Variants in COL4A6 observed in about 807,000 individuals in gnomAD.
COL4A6 encodes collagen alpha-6(IV) chain.
In COL4A6, 59 loss-of-function variants were observed where a neutral mutation model predicts 126.7. The ratio of observed to expected loss-of-function variants is 0.47; its 90% CI spans 0.38 to 0.58. The LOEUF (loss-of-function observed/expected upper bound fraction) is 0.58, where lower values mean the gene tolerates loss of function less well. COL4A6 is among the 20% of genes least tolerant of loss of function. The pLI is 0.00. For missense variants in COL4A6, 1,285 were observed against 1,337.3 expected, an observed-to-expected ratio of 0.96 and a Z score of 0.61; for synonymous variants, 547 against 496.6, an observed-to-expected ratio of 1.10 and a Z score of -1.35.
intron 18 of COL4A6, among the ~76,000 whole-genome samples, chrX:108,192,263 T>A (rs1233654052): frequency 1.8e-5 from 2 of 111,940 alleles, no homozygotes; most frequent in Non-Finnish European, 3.8e-5. Flanking sequence ...ATACATTATT[T>A]AAGCCAAAAA....
chrX:108,386,064 G>A (rs2040683634), intron 2 of COL4A6, among the ~76,000 whole-genome samples: 2 of 111,496 alleles, frequency 1.8e-5, no homozygotes, highest in South Asian at 7.7e-4. Flanking sequence ...TTTTTTTATG[G>A]CTGCATAGTA....
intron 40 of COL4A6, 119 bp from the exon 41 acceptor site, chrX:108,163,157 G>A (rs1303243611): frequency 1.7e-6 from 1 of 591,815 alleles, no homozygotes; most frequent in Non-Finnish European, 2.6e-6. Flanking sequence ...TGTCCCCACA[G>A]GATACCCGGG....
At chrX:108,375,222 T>C (rs1413302450) in intron 2 of COL4A6, among the ~76,000 whole-genome samples, 1 of 111,718 alleles carries the variant, frequency 9.0e-6, no homozygotes. Context: ...ATCATTTTGA[T>C]GGTGCTTATC....
intron 2 of COL4A6, among the ~76,000 whole-genome samples, chrX:108,314,537 G>A (rs1371255305): frequency 8.9e-6 from 1 of 111,912 alleles, no homozygotes; most frequent in Non-Finnish European, 1.9e-5. Context: ...GCATAGCTGA[G>A]AGTCTTGTTT....
chrX:108,194,728 G>T, intron 15 of COL4A6, 141 bp from the exon 16 acceptor site: 1 of 592,884 alleles, frequency 1.7e-6, no homozygotes, highest in Non-Finnish European at 2.7e-6. Context: ...GACTCTGGAA[G>T]CTGTAAAATC....
At chrX:108,326,795 C>T (rs754918779) in intron 2 of COL4A6, among the ~76,000 whole-genome samples, 53 of 112,028 alleles carry the variant, frequency 4.7e-4, no homozygotes, top group African/African-American at 1.7e-3. Flanking sequence ...CAAAAATTAA[C>T]TCAAAATATA....
In COL4A6 at chrX:108,180,535, A is replaced by G; in HGVS notation, c.2111T>C (p.Val704Ala). The change falls in exon 25 of 45, where the codon GTT (valine) becomes GCT (alanine). Residue 704 changes from valine (V) to alanine (A), a missense_variant. Val to Ala is a moderately conservative substitution (Grantham distance 64). Coordinates refer to ENST00000334504, the MANE Select transcript of COL4A6 (RefSeq NM_033641.4). ...CTTACCTGGTAATTCAGGAAGATGAACCAATCCTGGACTCCCTGGCTCTCC... is the reference window on the plus strand; with the variant it reads ...CTTACCTGGTAATTCAGGAAGATGAGCCAATCCTGGACTCCCTGGCTCTCC... ...SKGEPGSPGL[V>A]HLPELPGFPG... 6 of 1,206,834 alleles carry G rather than the reference A, an allele frequency of 5.0e-6. No homozygotes were observed. Among genetic ancestry groups the G allele is most frequent in the Non-Finnish European group, 6.7e-6 (6 of 893,525 alleles).
chrX:108,266,063 A>T (rs940202525), intron 3 of COL4A6, among the ~76,000 whole-genome samples: 1 of 111,949 alleles, frequency 8.9e-6, no homozygotes, highest in Non-Finnish European at 1.9e-5. Flanking sequence ...GCATTTGATA[A>T]CTGGGAGAGA....
At chrX:108,391,120 GCTGT>G (rs1234470220) in intron 2 of COL4A6, among the ~76,000 whole-genome samples, 2 of 111,338 alleles carry the variant, frequency 1.8e-5, no homozygotes, top group Non-Finnish European at 3.8e-5. Flanking sequence ...TCCTGTATGA[GCTGT>G]CTGTCTGCCC....
chrX:108,438,229 G>C lies in COL4A6; in HGVS notation c.-33C>G. The C allele has an allele frequency of 8.5e-7, 1 of 1,178,983 alleles. No homozygotes were observed. Among genetic ancestry groups the C allele is most frequent in the South Asian group, 2.0e-5 (1 of 49,699 alleles). On this transcript the variant is annotated 5_prime_UTR_variant, in exon 1 of 45. Transcript: ENST00000334504. Reference sequence around the variant, plus strand: ...GCTCCTCCGGAGCTGGGTCCCGGGAGACTGCTAAGCGGCTCCGCGGCCCGT... The same window carrying C: ...GCTCCTCCGGAGCTGGGTCCCGGGACACTGCTAAGCGGCTCCGCGGCCCGT...
rs780635447 is a variant in COL4A6, at chrX:108,238,308, C to T, written c.145-16934G>A. ...TTTAGTAGAGATGGGGGGGTTTCACCATCTTCGCCAGGTTGGTCTTGAACT... is the reference window on the plus strand; with the variant it reads ...TTTAGTAGAGATGGGGGGGTTTCACTATCTTCGCCAGGTTGGTCTTGAACT... On this transcript the variant is annotated intron_variant, in intron 3 of 44. Coordinates refer to ENST00000334504, the MANE Select transcript of COL4A6 (RefSeq NM_033641.4). 4.6e-5 allele frequency among the ~76,000 whole-genome samples: 5 copies of T among 109,145 alleles called. No homozygotes were observed. In the South Asian group the frequency reaches 1.6e-3, roughly 35 times the overall value. 94.8% of individuals were successfully genotyped at this position (109,145 alleles called of 115,157 possible).
intron 3 of COL4A6, among the ~76,000 whole-genome samples, chrX:108,304,213 G>A (rs2038567823): frequency 8.9e-6 from 1 of 112,001 alleles, no homozygotes; most frequent in Non-Finnish European, 1.9e-5. Flanking sequence ...TCTAGCAGAA[G>A]CCTCCCTCAC....
intron 13 of COL4A6, among the ~76,000 whole-genome samples, chrX:108,196,945 T>C (rs1194660212): frequency 8.9e-6 from 1 of 112,168 alleles, no homozygotes; most frequent in Admixed American, 9.4e-5. Flanking sequence ...CTTGTGTTTT[T>C]CATTCCGGGG....
intron 4 of COL4A6, 117 bp downstream of exon 4, chrX:108,221,123 C>T (rs1386089292): frequency 9.7e-7 from 1 of 1,027,623 alleles, no homozygotes; most frequent in East Asian, 3.1e-5. Context: ...GAAATGCAGC[C>T]TGGCACCAAA....
intron 3 of COL4A6, among the ~76,000 whole-genome samples, chrX:108,263,692 T>G (rs1457340229): frequency 1.8e-5 from 2 of 112,122 alleles, no homozygotes; most frequent in African/African-American, 6.5e-5. Flanking sequence ...GCTCTCAACC[T>G]TTGTTGCTCC....
chrX:108,415,564 T>C (rs978911683), intron 2 of COL4A6, among the ~76,000 whole-genome samples: 3 of 112,014 alleles, frequency 2.7e-5, no homozygotes, highest in African/African-American at 9.7e-5. Context: ...ACCTATCTGA[T>C]ATAACTGGTA....
intron 28 of COL4A6, among the ~76,000 whole-genome samples, chrX:108,176,395 T>C (rs1488791957): frequency 3.8e-5 from 4 of 105,233 alleles, no homozygotes; most frequent in African/African-American, 1.4e-4. Context: ...AAAAAAAGCC[T>C]AGGGCCAGGA....
At chrX:108,221,829 G>A (rs916921796) in intron 3 of COL4A6, among the ~76,000 whole-genome samples, 10 of 112,532 alleles carry the variant, frequency 8.9e-5, no homozygotes, top group Non-Finnish European at 1.3e-4. Flanking sequence ...GCCCCAGGGG[G>A]CCAGAGTGGG....
At chrX:108,359,201 A>G (rs1052618466) in intron 2 of COL4A6, among the ~76,000 whole-genome samples, 1 of 112,215 alleles carries the variant, frequency 8.9e-6, no homozygotes, top group Admixed American at 9.4e-5. Flanking sequence ...ACATCATTTT[A>G]TTTTATCCTC....
Sources: allele counts gnomAD v4.1 joint callset (sites outside exome capture counted in the v4.1 genomes callset), GRCh38; gene constraint gnomAD v4.1.1; transcripts MANE v1.5; gene names NCBI Gene and HGNC (gene_info 2026-07-23, HGNC 2026-07-21).